FAT3: variants seen among roughly 807,000 people sequenced by gnomAD.
FAT3 encodes FAT atypical cadherin 3.
Under a neutral mutation model 310.2 loss-of-function variants are expected in FAT3, and 95 were observed. The observed-to-expected ratio is 0.31, with a 90% CI of 0.26 to 0.36. The LOEUF (loss-of-function observed/expected upper bound fraction) is 0.36. FAT3 is among the 10% of genes least tolerant of loss of function. The pLI, the probability that FAT3 is intolerant of heterozygous loss-of-function variation, is 1.00. For synonymous variants in FAT3, 2,314 were observed against 2,192.9 expected (o/e 1.06, Z -1.54); for missense variants, 5,408 against 5,715.6 (o/e 0.95, Z 1.74).
chr11:92,712,601 A>AT (rs1944558714), intron 4 of FAT3, among the ~76,000 whole-genome samples: 1 of 145,828 alleles, frequency 6.9e-6, no homozygotes, highest in African/African-American at 2.7e-5. Context: ...ATGAAAAAAA[A>AT]TATATTCTTA....
chr11:92,485,967 G>C (rs1457796503), intron 2 of FAT3, among the ~76,000 whole-genome samples: 1 of 151,986 alleles, frequency 6.6e-6, no homozygotes, highest in Non-Finnish European at 1.5e-5. Context: ...AAATAGAAAA[G>C]GGTAAAGCCA....
In FAT3 at chr11:92,883,308, T is replaced by C. The variant is rs1043464372; in HGVS notation, c.12852T>C (p.Ser4284=). The part of the protein sequence containing the change: ...LTARRGVVVC[S]VAPNLPAVSP... ...CCCGGCGGGGCGTGGTCGTGTGCAG[T>C]GTGGCCCCCAACCTCCCCGCCGTGT... is the stretch of plus-strand genomic sequence containing the variant. The change falls in exon 24 of 28, where the codon AGT becomes AGC. Residue 4284 remains serine (S), a synonymous_variant. Coordinates refer to ENST00000525166, the MANE Select transcript of FAT3 (RefSeq NM_001367949.2). The surrounding 1 kb of genome is among the most constrained non-coding windows in gnomAD (Gnocchi z 4.2). The C allele has an allele frequency of 5.6e-6, 9 of 1,612,182 alleles. No individual in the cohort carries two copies. Among genetic ancestry groups the C allele is most frequent in the African/African-American group, 2.7e-5 (2 of 74,900 alleles).
chr11:92,831,498 G>C, intron 13 of FAT3, 124 bp from the exon 14 acceptor site: 1 of 773,702 alleles, frequency 1.3e-6, no homozygotes. Context: ...AGCCACAGCT[G>C]TCTGTTTCTG....
At chr11:92,249,607 G>A (rs1345736864) in intron 1 of FAT3, among the ~76,000 whole-genome samples, 1 of 152,212 alleles carries the variant, frequency 6.6e-6, no homozygotes, top group East Asian at 1.9e-4. Context: ...ACTTGAGAGT[G>A]CTGGGAAAGA....
chr11:92,424,138 CT>C (rs1236183537), intron 2 of FAT3, among the ~76,000 whole-genome samples: 2 of 152,064 alleles, frequency 1.3e-5, no homozygotes, highest in Non-Finnish European at 2.9e-5. Flanking sequence ...CTGACCCATT[CT>C]TCCTGATTGC....
intron 1 of FAT3, among the ~76,000 whole-genome samples, chr11:92,308,483 A>AAATACTATT: frequency 6.6e-6 from 1 of 152,290 alleles, no homozygotes; most frequent in South Asian, 2.1e-4. Context: ...CCAGAGAAAA[A>AAATACTATT]AATACTATTT....
At position 92,892,936 on chromosome 11, in the gene FAT3, C is replaced by T. The variant is rs1386539061; in HGVS notation, c.*1823C>T. 2.0e-5 allele frequency: 3 copies of T among 152,048 alleles called. No individual in the cohort carries two copies. The highest frequency in any genetic ancestry group is 4.4e-5 in the Non-Finnish European group (3 of 67,996). The allele number at this position is 152,048 out of a possible 1,614,324, so 9.4% of individuals were successfully genotyped here. On this transcript the variant is annotated 3_prime_UTR_variant, in exon 28 of 28. Coordinates refer to ENST00000525166, the MANE Select transcript of FAT3 (RefSeq NM_001367949.2). Reference sequence around the variant, plus strand: ...AGGGACTTTCCTTTTTTGCTTCAATCAGATTACGGCCGCCTGTGCAGTGGC... The same window carrying T: ...AGGGACTTTCCTTTTTTGCTTCAATTAGATTACGGCCGCCTGTGCAGTGGC...
At chr11:92,653,536 G>T (rs2135768462) in intron 3 of FAT3, among the ~76,000 whole-genome samples, 2 of 152,232 alleles carry the variant, frequency 1.3e-5, no homozygotes, top group Middle Eastern at 6.8e-3. Flanking sequence ...AATCATATCT[G>T]CTTTCCAAAA....
chr11:92,811,013 C>A (rs996476919), intron 13 of FAT3, among the ~76,000 whole-genome samples: 1 of 152,100 alleles, frequency 6.6e-6, no homozygotes, highest in Non-Finnish European at 1.5e-5. Flanking sequence ...TGAAAACAAA[C>A]GTAGAGCCTG....
At chr11:92,838,050 AACACTGTGAAG>A (rs903533060) in intron 17 of FAT3, among the ~76,000 whole-genome samples, 1 of 152,152 alleles carries the variant, frequency 6.6e-6, no homozygotes, top group African/African-American at 2.4e-5. Context: ...TCCCCACAAC[AACACTGTGAAG>A]AGGGATGGTG....
In FAT3 at chr11:92,896,066, T is replaced by TA. The variant is rs951892959; in HGVS notation, c.*4959dup. 9.2e-5 allele frequency: 14 copies of TA among 152,156 alleles called. 1 individual carries two copies. The highest frequency in any genetic ancestry group is 2.0e-4 in the Admixed American group (3 of 15,284). The allele number at this position is 152,156 out of a possible 1,614,324, so 9.4% of individuals were successfully genotyped here. ...GAAAAATTGTCTTTATTGACATTTGTAAAAAAGAATGTGTTTTGCCCAGTT... is the reference window on the plus strand; with the variant it reads ...GAAAAATTGTCTTTATTGACATTTGTAAAAAAAGAATGTGTTTTGCCCAGTT... On this transcript the variant is annotated 3_prime_UTR_variant, in exon 28 of 28. Transcript: ENST00000525166.
At chr11:92,568,886 C>G (rs932189602) in intron 3 of FAT3, among the ~76,000 whole-genome samples, 7 of 152,166 alleles carry the variant, frequency 4.6e-5, no homozygotes, top group African/African-American at 1.4e-4. Flanking sequence ...ATGTGGATAC[C>G]TGTCAACCCT....
At chr11:92,301,132 C>G (rs1460656858) in intron 1 of FAT3, among the ~76,000 whole-genome samples, 1 of 152,106 alleles carries the variant, frequency 6.6e-6, no homozygotes, top group African/African-American at 2.4e-5. Flanking sequence ...TTCTGATCTC[C>G]TCTTTCTCAG....
intron 3 of FAT3, among the ~76,000 whole-genome samples, chr11:92,668,028 T>C (rs1384562557): frequency 6.6e-6 from 1 of 152,188 alleles, no homozygotes; most frequent in Admixed American, 6.5e-5. Flanking sequence ...TTAGGAAAGA[T>C]CATCAGAGCA....
At chr11:92,622,469 A>G (rs1243221818) in intron 3 of FAT3, among the ~76,000 whole-genome samples, 2 of 152,190 alleles carry the variant, frequency 1.3e-5, no homozygotes, top group African/African-American at 4.8e-5. Context: ...TGTACAAGCA[A>G]ATAGAGAGAC....
intron 3 of FAT3, among the ~76,000 whole-genome samples, chr11:92,583,796 A>G (rs77013572): frequency 7.7e-4 from 117 of 152,088 alleles, no homozygotes; most frequent in Non-Finnish European, 1.5e-3. Flanking sequence ...TTGTTCGTTC[A>G]TTTTAATTGG....
intron 22 of FAT3, among the ~76,000 whole-genome samples, chr11:92,877,452 GACAC>G: frequency 6.6e-6 from 1 of 152,140 alleles, no homozygotes; most frequent in African/African-American, 2.4e-5. Flanking sequence ...GAGCATGCCA[GACAC>G]TGTGCTGTAC....
chr11:92,871,301 C>T (rs910401307), intron 22 of FAT3, among the ~76,000 whole-genome samples: 6 of 152,116 alleles, frequency 3.9e-5, no homozygotes, highest in Non-Finnish European at 5.9e-5. Context: ...AGACCCCTTC[C>T]CCACCAGCCT....
Position 92,799,498 on chromosome 11 carries a change from A to G in FAT3, c.6485A>G (p.Asp2162Gly). The G allele has an allele frequency of 6.2e-7, 1 of 1,613,724 alleles. No homozygotes were observed. The highest frequency in any genetic ancestry group is 8.5e-7 in the Non-Finnish European group (1 of 1,179,796). The change falls in exon 10 of 28, where the codon GAT becomes GGT. Residue 2162 changes from aspartate (D) to glycine (G), a missense_variant. Asp to Gly is a moderately conservative substitution (Grantham distance 94, BLOSUM62 -1). Transcript: ENST00000525166. ...TATGGAGTCACCATCCTAGCCAAGG[A>G]TGGCGGAAAACCTTCTTTGTCTACA... The part of the protein sequence containing the change: ...IEYGVTILAK[D>G]GGKPSLSTSV...
Sources: allele counts gnomAD v4.1 joint callset (sites outside exome capture counted in the v4.1 genomes callset), GRCh38; gene constraint gnomAD v4.1.1; non-coding constraint Gnocchi (gnomAD v3.1); transcripts MANE v1.5; gene names NCBI Gene and HGNC (gene_info 2026-07-23, HGNC 2026-07-21).